The following SWT1 variants were observed in gnomAD, a reference collection of about 807,000 sequenced individuals.
SWT1 encodes the protein transcriptional protein SWT1.
A neutral mutation model predicts 107.3 loss-of-function variants in SWT1; 33 were observed. The ratio of observed to expected loss-of-function variants is 0.31; its 90% CI spans 0.23 to 0.41. SWT1 has a LOEUF of 0.41. Ranked by LOEUF, SWT1 falls within the 10% of genes least tolerant of loss-of-function variation. SWT1 has a pLI of 1.00. For synonymous variants in SWT1, 345 were observed against 348.3 expected (o/e 0.99, Z 0.11); for missense variants, 898 against 1,028.9 (o/e 0.87, Z 1.74).
chr1:185,231,626 A>C lies in SWT1; in HGVS notation c.2359A>C (p.Asn787His). The C allele has an allele frequency of 6.2e-7, 1 of 1,610,158 alleles. No individual in the cohort carries two copies. The highest frequency in any genetic ancestry group is 1.1e-5 in the South Asian group (1 of 90,948). The part of the protein sequence containing the change: ...LGSNSALTTS[N>H]IASFEEAFIC... ...CTCAAATTCAGCTCTGACTACTTCA[A>C]ATATAGCATCATTTGAAGAAGCATT... Residue 787 changes from asparagine to histidine, a missense_variant, in exon 16 of 19, where the codon AAT becomes CAT. Around this residue, in one of 6 missense-constraint regions of SWT1, gnomAD observed 382 missense variants for 460.0 expected, o/e 0.83. Coordinates refer to ENST00000367500, the MANE Select transcript of SWT1 (RefSeq NM_017673.7).
In SWT1 at chr1:185,160,919, T is replaced by G. The variant is rs750032435; in HGVS notation, c.78T>G (p.Gly26=). Residue 26 remains glycine, a synonymous_variant, in exon 2 of 19, where the codon GGT becomes GGG. Coordinates refer to ENST00000367500, the MANE Select transcript of SWT1 (RefSeq NM_017673.7). Reference sequence around the variant, plus strand: ...CCACCACCTCATCACCCAATTTTGGTGAAAAAGTAAGAATTTTGATTTACT... The same window carrying G: ...CCACCACCTCATCACCCAATTTTGGGGAAAAAGTAAGAATTTTGATTTACT... ...KDTTTSSPNF[G]EKDKKERKTP... is the part of the protein sequence containing the mutation. The G allele has an allele frequency of 6.2e-7, 1 of 1,610,748 alleles. No homozygotes were observed. Among genetic ancestry groups the G allele is most frequent in the African/African-American group, 1.3e-5 (1 of 74,938 alleles).
chr1:185,170,980 A>G (rs1401574225), intron 4 of SWT1, among the ~76,000 whole-genome samples: 1 of 152,128 alleles, frequency 6.6e-6, no homozygotes, highest in African/African-American at 2.4e-5. Context: ...GTATTCCTGA[A>G]TCATTTTTTG....
chr1:185,280,188 C>A (rs1664531240), intron 18 of SWT1, among the ~76,000 whole-genome samples: 2 of 152,118 alleles, frequency 1.3e-5, no homozygotes, highest in South Asian at 4.1e-4. Flanking sequence ...ATAAGATGCT[C>A]TTCCCACTTC....
intron 13 of SWT1, among the ~76,000 whole-genome samples, chr1:185,212,515 A>G (rs1658899310): frequency 6.6e-6 from 1 of 152,200 alleles, no homozygotes; most frequent in South Asian, 2.1e-4. Context: ...TTGGTCTTTG[A>G]TCTCGAAGAA....
chr1:185,172,387 A>T (rs374245464), intron 4 of SWT1, among the ~76,000 whole-genome samples: 1 of 152,128 alleles, frequency 6.6e-6, no homozygotes, highest in East Asian at 1.9e-4. Context: ...GTCACTGAAG[A>T]CTTTTCATAA....
At position 185,226,932 on chromosome 1, in the gene SWT1, G is replaced by A. The variant is rs545921380; in HGVS notation, c.2310-4645G>A. On this transcript the variant is annotated intron_variant, in intron 15 of 18. Coordinates refer to ENST00000367500, the MANE Select transcript of SWT1 (RefSeq NM_017673.7). ...CTTCTTTTTAACTTCTTTCTGCGGC[G>A]TCTTTTCATAGACTGGATTCTTTTG... 7.9e-5 allele frequency: 85 copies of A among 1,081,120 alleles called. No homozygotes were observed. The African/African-American group carries it at 8.2e-4, about 10-fold the overall frequency. 67.0% of individuals were successfully genotyped at this position (1,081,120 alleles called of 1,614,324 possible). A position where few individuals can be genotyped will look rare whatever the true frequency, so the allele number is the denominator to read the frequency against.
At chr1:185,251,557 ATAT>A (rs1247684786) in intron 16 of SWT1, 1 of 152,008 alleles carries the variant, frequency 6.6e-6, no homozygotes, top group African/African-American at 2.4e-5. Context: ...TTTTCTTTGC[ATAT>A]TTTGAGGTTA....
chr1:185,225,226 AT>A (rs796071874), intron 15 of SWT1, among the ~76,000 whole-genome samples: 1 of 151,962 alleles, frequency 6.6e-6, no homozygotes, highest in African/African-American at 2.4e-5. Flanking sequence ...ACATTTATTG[AT>A]TTGTGTATTT....
chr1:185,180,540 A>G, intron 6 of SWT1, 90 bp downstream of exon 6: 1 of 904,622 alleles, frequency 1.1e-6, no homozygotes, highest in East Asian at 2.5e-5. Context: ...AGAAACCCTG[A>G]TAATATGAAA....
At chr1:185,262,928 C>T (rs191365252) in intron 16 of SWT1, among the ~76,000 whole-genome samples, 1 of 152,048 alleles carries the variant, frequency 6.6e-6, no homozygotes, top group East Asian at 1.9e-4. Context: ...GCTGGGAATA[C>T]AGGCGTGTGC....
chr1:185,202,172 T>A (rs1055027728), intron 10 of SWT1, among the ~76,000 whole-genome samples: 2 of 152,310 alleles, frequency 1.3e-5, no homozygotes, highest in East Asian at 3.9e-4. Flanking sequence ...TATGTTCTAA[T>A]CATATTGGCT....
At chr1:185,277,333 C>T (rs899137448) in intron 18 of SWT1, among the ~76,000 whole-genome samples, 29 of 151,552 alleles carry the variant, frequency 1.9e-4, no homozygotes, top group Admixed American at 1.9e-3. Flanking sequence ...GCAAATGGTG[C>T]GACAATGTGC....
At chr1:185,171,572 C>A in intron 4 of SWT1, 1 of 454,974 alleles carries the variant, frequency 2.2e-6, no homozygotes, top group Non-Finnish European at 4.3e-6. Flanking sequence ...TCACTTTGAT[C>A]CTCTCTTGCA....
intron 16 of SWT1, among the ~76,000 whole-genome samples, chr1:185,237,783 C>T (rs1660998676): frequency 1.3e-5 from 2 of 152,144 alleles, no homozygotes; most frequent in Admixed American, 1.3e-4. Flanking sequence ...CCTGGTCAGA[C>T]ATTTCTACAG....
At chr1:185,245,756 G>GATA (rs995518967) in intron 16 of SWT1, among the ~76,000 whole-genome samples, 4 of 151,888 alleles carry the variant, frequency 2.6e-5, no homozygotes, top group Non-Finnish European at 4.4e-5. Flanking sequence ...CACTCTTGCT[G>GATA]ATAATCTTAC....
At chr1:185,271,759 A>G (rs887411920) in intron 17 of SWT1, among the ~76,000 whole-genome samples, 2 of 152,222 alleles carry the variant, frequency 1.3e-5, no homozygotes, top group Non-Finnish European at 2.9e-5. Context: ...TATAGACTTC[A>G]TATTGTATGA....
At chr1:185,190,425 G>GT in intron 9 of SWT1, 124 bp from the exon 10 acceptor site, 1 of 608,440 alleles carries the variant, frequency 1.6e-6, no homozygotes, top group Non-Finnish European at 3.0e-6. Context: ...CACCATCATA[G>GT]TATCATACCT....
chr1:185,220,052 T>G (rs550246850), intron 14 of SWT1, among the ~76,000 whole-genome samples: 2 of 142,228 alleles, frequency 1.4e-5, no homozygotes, highest in South Asian at 4.3e-4. Context: ...GGGTTGAGGA[T>G]CACCTGAGTC....
At chr1:185,224,656 C>A (rs1473125657) in intron 15 of SWT1, among the ~76,000 whole-genome samples, 2 of 152,040 alleles carry the variant, frequency 1.3e-5, no homozygotes, top group African/African-American at 2.4e-5. Context: ...TTTCTTTTAT[C>A]CATGTTTTAG....
Sources: gnomAD v4.1 joint callset for allele counts (sites outside exome capture counted in the v4.1 genomes callset) on GRCh38, gnomAD v4.1.1 for gene constraint, gnomAD v4.1.1 regional missense constraint, MANE v1.5 for transcripts, NCBI Gene and HGNC (gene_info 2026-07-23, HGNC 2026-07-21) for gene names.